Variants in NTM observed in about 807,000 individuals in gnomAD.
NTM encodes the protein neurotrimin.
Under a neutral mutation model 42.1 loss-of-function variants are expected in NTM, and 13 were observed. The ratio of observed to expected loss-of-function variants is 0.31; its 90% CI spans 0.20 to 0.49. The LOEUF is 0.49. NTM is among the 20% of genes least tolerant of loss of function. The pLI is 0.99. For missense variants in NTM, 373 were observed against 452.8 expected (o/e 0.82, Z 1.60); for synonymous variants, 187 against 179.2 (o/e 1.04, Z -0.35).
At chr11:132,252,248 A>G (rs1418739794) in intron 4 of NTM, among the ~76,000 whole-genome samples, 1 of 152,092 alleles carries the variant, frequency 6.6e-6, no homozygotes, top group Admixed American at 6.5e-5. Context: ...CTTTCAGCTC[A>G]GCTCCCTATC....
intron 1 of NTM, among the ~76,000 whole-genome samples, chr11:131,785,121 C>A (rs780678366): frequency 2.6e-5 from 4 of 152,014 alleles, no homozygotes; most frequent in Non-Finnish European, 5.9e-5. Flanking sequence ...GAAAAGAAAA[C>A]CTGCAAGACA....
At chr11:131,960,876 A>G (rs2062085895) in intron 2 of NTM, among the ~76,000 whole-genome samples, 1 of 152,174 alleles carries the variant, frequency 6.6e-6, no homozygotes, top group African/African-American at 2.4e-5. Flanking sequence ...CATCCTGAAG[A>G]TTCAGGTGCA....
intron 1 of NTM, among the ~76,000 whole-genome samples, chr11:131,600,693 A>G (rs545962986): frequency 6.6e-6 from 1 of 152,332 alleles, no homozygotes; most frequent in East Asian, 1.9e-4. Flanking sequence ...AAGGAACCTG[A>G]CCGCTGGCCA....
intron 1 of NTM, among the ~76,000 whole-genome samples, chr11:131,549,914 C>T (rs1043858986): frequency 1.3e-5 from 2 of 152,200 alleles, no homozygotes; most frequent in Non-Finnish European, 2.9e-5. Flanking sequence ...TTCCCGTGCC[C>T]ACGTGTGCAT....
chr11:131,637,153 G>C (rs967882607), intron 1 of NTM, among the ~76,000 whole-genome samples: 11 of 152,000 alleles, frequency 7.2e-5, no homozygotes, highest in Non-Finnish European at 1.3e-4. Context: ...ACAATGCTGT[G>C]CTCACTTCCC....
At chr11:131,700,259 C>A (rs1233771555) in intron 1 of NTM, among the ~76,000 whole-genome samples, 2 of 152,132 alleles carry the variant, frequency 1.3e-5, no homozygotes, top group Non-Finnish European at 2.9e-5. Flanking sequence ...GAAAATCCTT[C>A]CTTTTGTTGA....
intron 1 of NTM, among the ~76,000 whole-genome samples, chr11:131,613,355 A>G (rs1002357784): frequency 2.0e-5 from 3 of 151,840 alleles, no homozygotes; most frequent in Non-Finnish European, 4.4e-5. Flanking sequence ...CTGAAATCGT[A>G]TTTTACAGTT....
intron 3 of NTM, among the ~76,000 whole-genome samples, chr11:132,203,662 C>T (rs934365659): frequency 8.5e-5 from 13 of 152,082 alleles, no homozygotes; most frequent in Admixed American, 6.6e-4. Flanking sequence ...GAGGCTGAGG[C>T]GGGCAGATCA....
chr11:131,877,632 TC>T (rs2048730433), intron 1 of NTM: 1 of 152,216 alleles, frequency 6.6e-6, no homozygotes, highest in Admixed American at 6.5e-5. Flanking sequence ...CATTTTTCTT[TC>T]TTTAAACACT....
intron 4 of NTM, among the ~76,000 whole-genome samples, chr11:132,245,756 A>T (rs956843387): frequency 6.6e-6 from 1 of 151,766 alleles, no homozygotes; most frequent in Non-Finnish European, 1.5e-5. Flanking sequence ...TCATGCCACT[A>T]CTCGGCTCAG....
At chr11:131,800,193 C>G (rs2091983910) in intron 1 of NTM, among the ~76,000 whole-genome samples, 1 of 152,226 alleles carries the variant, frequency 6.6e-6, no homozygotes. Context: ...GGGTCTATGA[C>G]TTTTGGAATC....
At chr11:132,310,907 A>G (rs2095260919) in intron 6 of NTM, among the ~76,000 whole-genome samples, 2 of 152,318 alleles carry the variant, frequency 1.3e-5, no homozygotes, top group Admixed American at 6.5e-5. Context: ...CACCATGGCA[A>G]TTGCTGTTAT....
intron 1 of NTM, among the ~76,000 whole-genome samples, chr11:131,697,351 G>A (rs561774425): frequency 8.5e-5 from 13 of 152,336 alleles, no homozygotes; most frequent in African/African-American, 2.6e-4. Flanking sequence ...ATCTACCGTT[G>A]CAGCTTCATC....
intron 1 of NTM, among the ~76,000 whole-genome samples, chr11:131,666,649 G>C (rs997024708): frequency 1.3e-5 from 2 of 152,214 alleles, no homozygotes; most frequent in African/African-American, 4.8e-5. Context: ...TGAAAGCCAA[G>C]TAGCCCTGGA....
At chr11:132,317,070 G>A (rs970740927) in intron 7 of NTM, among the ~76,000 whole-genome samples, 1 of 152,186 alleles carries the variant, frequency 6.6e-6, no homozygotes, top group Admixed American at 6.5e-5. Context: ...GAATTCTGGT[G>A]CAAGAGACCA....
At chr11:131,383,804 G>A (rs1302448496) in intron 1 of NTM, among the ~76,000 whole-genome samples, 1 of 152,168 alleles carries the variant, frequency 6.6e-6, no homozygotes, top group Non-Finnish European at 1.5e-5. Context: ...GTTGAAAATG[G>A]TAATGTGTCA....
chr11:131,396,478 ATAAAAG>A (rs1362997215), intron 1 of NTM, among the ~76,000 whole-genome samples: 2 of 152,084 alleles, frequency 1.3e-5, no homozygotes, highest in Non-Finnish European at 2.9e-5. Flanking sequence ...TTCACCAGCC[ATAAAAG>A]TATATTTTGA....
At chr11:131,627,967 GAGA>G (rs1220038167) in intron 1 of NTM, among the ~76,000 whole-genome samples, 4 of 152,062 alleles carry the variant, frequency 2.6e-5, no homozygotes, top group Non-Finnish European at 4.4e-5. Context: ...TTCCATAGAG[GAGA>G]AGAAGGATTT....
chr11:131,399,726 C>A (rs1376886256), intron 1 of NTM, among the ~76,000 whole-genome samples: 1 of 152,110 alleles, frequency 6.6e-6, no homozygotes, highest in Non-Finnish European at 1.5e-5. Context: ...TCCTTAGCGC[C>A]CATTTGGAAA....
Sources: allele counts gnomAD v4.1 joint callset (sites outside exome capture counted in the v4.1 genomes callset), GRCh38; gene constraint gnomAD v4.1.1; transcripts MANE v1.5; gene names NCBI Gene and HGNC (gene_info 2026-07-23, HGNC 2026-07-21).